MTA2: variants seen among roughly 807,000 people sequenced by gnomAD.
MTA2 encodes the protein metastasis associated 1 family member 2, also known as metastasis-associated protein MTA2.
A neutral mutation model predicts 87.1 loss-of-function variants in MTA2; 22 were observed. That is an observed-to-expected ratio of 0.25 (90% CI 0.18 to 0.36). MTA2 has a LOEUF of 0.36. MTA2 is among the 10% of genes least tolerant of loss of function. MTA2 has a pLI of 1.00. For missense variants in MTA2, 542 were observed against 853.2 expected (o/e 0.64, Z 4.54); for synonymous variants, 314 against 310.1 (o/e 1.01, Z -0.13).
rs759748858 is a variant in MTA2, at chr11:62,595,215, G to A, written c.1483+49C>T. On this transcript the variant is annotated intron_variant, in intron 14 of 17. Coordinates refer to ENST00000278823, the MANE Select transcript of MTA2 (RefSeq NM_004739.4). This position sits in a 1 kb window ranked among gnomAD's most constrained non-coding sequence, Gnocchi z 4.9. ...CATCCAGAGAAACAACGGTCTCTGG[G>A]CAGAGCAATCCGAAACCCACCACCA... is the stretch of plus-strand genomic sequence containing the variant. 9 of 1,578,194 alleles carry A rather than the reference G, an allele frequency of 5.7e-6. No individual in the cohort carries two copies. The South Asian group carries it at 8.9e-5, about 16-fold the overall frequency.
chr11:62,595,112 C>T lies in MTA2; in HGVS notation c.1484-42G>A, dbSNP rs904786371. 9 of 1,599,394 alleles carry T rather than the reference C, an allele frequency of 5.6e-6. No individual in the cohort carries two copies. Among genetic ancestry groups the T allele is most frequent in the South Asian group, 2.2e-5 (2 of 90,232 alleles). ...AAAGCTTCTGAAGGGCTTCACCATT[C>T]AGGTCTCCTCTAAGGCCAGAAGCCA... On this transcript the variant is annotated intron_variant, in intron 14 of 17. Transcript: ENST00000278823. This position sits in a 1 kb window ranked among gnomAD's most constrained non-coding sequence, Gnocchi z 4.9.
At position 62,593,587 on chromosome 11, in the gene MTA2, T is replaced by G; in HGVS notation, c.*288A>C. 1 of 252,574 alleles carries G rather than the reference T, an allele frequency of 4.0e-6. No homozygotes were observed. Among genetic ancestry groups the G allele is most frequent in the Non-Finnish European group, 7.4e-6 (1 of 135,752 alleles). The allele number at this position is 252,574 out of a possible 1,614,324, so 15.6% of individuals were successfully genotyped here. A position where few individuals can be genotyped will look rare whatever the true frequency, so the allele number is the denominator to read the frequency against. On this transcript the variant is annotated 3_prime_UTR_variant, in exon 18 of 18. Transcript: ENST00000278823. ...AAATTTTTAAAAAATTAAAAAACCC[T>G]CCCCCCAAAACTGTCCAAGACATCT... is the stretch of plus-strand genomic sequence containing the variant.
chr11:62,601,087 T>C (rs555488629), intron 1 of MTA2: 75 of 496,086 alleles, frequency 1.5e-4, no homozygotes, highest in African/African-American at 1.3e-3. Context: ...TCCCCCGCGG[T>C]GGCAAAGCCG....
At chr11:62,600,331 CAA>C (rs1942162354) in intron 2 of MTA2, 72 bp from the exon 3 acceptor site, 45 of 1,335,362 alleles carry the variant, frequency 3.4e-5, no homozygotes, top group Non-Finnish European at 4.8e-5. Flanking sequence ...CAGAAATGCA[CAA>C]AGAGACAAAT....
Position 62,596,018 on chromosome 11 carries a change from C to G in MTA2, c.1106G>C (p.Ser369Thr). ...AGFQKGLTCE[S>T]CHTTQSAQWY... is the part of the protein sequence containing the mutation. ...GTGCCCCCGTAACTCACTGTGGCAACTCTCACAAGTCAGGCCCTTCTGAAA... is the reference window on the plus strand; with the variant it reads ...GTGCCCCCGTAACTCACTGTGGCAAGTCTCACAAGTCAGGCCCTTCTGAAA... Residue 369 changes from serine to threonine, a missense_variant, in exon 12 of 18, where the codon AGT becomes ACT. This residue lies in a region of MTA2 where 46 missense variants were observed against 109.1 expected (regional missense o/e 0.42). Transcript: ENST00000278823. The G allele has an allele frequency of 6.2e-7, 1 of 1,614,212 alleles. No homozygotes were observed. Among genetic ancestry groups the G allele is most frequent in the Non-Finnish European group, 8.5e-7 (1 of 1,180,032 alleles).
chr11:62,597,532 C>A, intron 7 of MTA2, 78 bp downstream of exon 7: 1 of 1,504,916 alleles, frequency 6.6e-7, no homozygotes, highest in Non-Finnish European at 9.2e-7. Context: ...GAAATAAAGT[C>A]CATCTCTAAG....
chr11:62,596,922 G>A, intron 8 of MTA2, 97 bp from the exon 9 acceptor site: 7 of 1,245,040 alleles, frequency 5.6e-6, no homozygotes, highest in Non-Finnish European at 7.8e-6. Flanking sequence ...GGGCGCGGTG[G>A]CTCACACCCA....
At chr11:62,594,843 T>A in intron 15 of MTA2, 138 bp downstream of exon 15, 2 of 933,754 alleles carry the variant, frequency 2.1e-6, no homozygotes, top group South Asian at 1.6e-5. Flanking sequence ...ACAAAAAAAA[T>A]TATTAAACAA....
At chr11:62,600,542 G>T in intron 2 of MTA2, 80 bp downstream of exon 2, 1 of 1,316,872 alleles carries the variant, frequency 7.6e-7, no homozygotes, top group Non-Finnish European at 1.1e-6. Context: ...CTTAGTATAG[G>T]ATCCTCTCTT....
rs1942048192 is a variant in MTA2, at chr11:62,593,298, T to C, written c.*577A>G. The C allele has an allele frequency of 6.6e-6, 1 of 151,778 alleles. No individual in the cohort carries two copies. The highest frequency in any genetic ancestry group is 1.5e-5 in the Non-Finnish European group (1 of 67,892). 9.4% of individuals were successfully genotyped at this position (151,778 alleles called of 1,614,324 possible). A position where few individuals can be genotyped will look rare whatever the true frequency, so the allele number is the denominator to read the frequency against. ...AAAACGGACAAAAGATCTTTATTTC[T>C]GAGAACTGGCGTACAAAAGGCAGAG... On this transcript the variant is annotated 3_prime_UTR_variant, in exon 18 of 18. Coordinates refer to ENST00000278823, the MANE Select transcript of MTA2 (RefSeq NM_004739.4).
Position 62,600,220 on chromosome 11 carries a change from A to C in MTA2, c.136T>G (p.Phe46Val). The C allele has an allele frequency of 6.2e-7, 1 of 1,614,256 alleles. No individual in the cohort carries two copies. Among genetic ancestry groups the C allele is most frequent in the Non-Finnish European group, 8.5e-7 (1 of 1,180,040 alleles). Residue 46 changes from phenylalanine (F) to valine (V), a missense_variant, in exon 3 of 18, where the codon TTC (phenylalanine) becomes GTC (valine). This residue lies in a region of MTA2 where 150 missense variants were observed against 243.9 expected (regional missense o/e 0.62). Transcript: ENST00000278823. ...CTACTAGAAATGTCCCTGCGCCGGA[A>C]AAGACAGACAACCTTTGCCTCCACA... ...GNVEAKVVCL[F>V]RRRDISSSLN...
chr11:62,599,616 G>A (rs1942150086), intron 3 of MTA2, among the ~76,000 whole-genome samples: 1 of 148,758 alleles, frequency 6.7e-6, no homozygotes, highest in Non-Finnish European at 1.5e-5. Flanking sequence ...AAAAGAAGAT[G>A]AGACCTTAAA....
chr11:62,598,208 T>A (rs1268820539), intron 5 of MTA2, 67 bp from the exon 6 acceptor site: 14 of 1,571,088 alleles, frequency 8.9e-6, no homozygotes, highest in Non-Finnish European at 1.2e-5. Flanking sequence ...GGGAGGTGTA[T>A]CTGAGTTTCC....
Position 62,598,123 on chromosome 11 carries a change from G to T in MTA2, c.391C>A (p.Leu131Met), listed in dbSNP as rs138662870. ...LEKEDCFFYS[L>M]VFDPVQKTLL... is the part of the protein sequence containing the mutation. ...GTCTTCTGCACGGGGTCAAACACCA[G>T]TGAGTAAAAAAAGCAGTCCTGGAAT... is the stretch of plus-strand genomic sequence containing the variant. The change falls in exon 6 of 18, where the codon CTG (leucine) becomes ATG (methionine). Residue 131 changes from leucine to methionine, a missense_variant. By Grantham distance (15) the Leu-to-Met change is conservative. Coordinates refer to ENST00000278823, the MANE Select transcript of MTA2 (RefSeq NM_004739.4). The T allele has an allele frequency of 1.9e-6, 3 of 1,614,090 alleles. No homozygotes were observed. Among genetic ancestry groups the T allele is most frequent in the Non-Finnish European group, 2.5e-6 (3 of 1,180,016 alleles).
rs1942197442 is a variant in MTA2, at chr11:62,601,415, G to C, written c.28+8C>G. The C allele has an allele frequency of 6.2e-7, 1 of 1,610,522 alleles. No homozygotes were observed. Among genetic ancestry groups the C allele is most frequent in the African/African-American group, 1.3e-5 (1 of 74,620 alleles). On this transcript the variant is annotated splice_region_variant and intron_variant, in intron 1 of 17. Transcript: ENST00000278823. Reference sequence around the variant, plus strand: ...CCCGGGCCCCGTATCCCTGCGCCCGGTACTCACCTCCCACCCGGTACATGT... The same window carrying C: ...CCCGGGCCCCGTATCCCTGCGCCCGCTACTCACCTCCCACCCGGTACATGT...
intron 2 of MTA2, 43 bp downstream of exon 2, chr11:62,600,579 A>C: frequency 5.8e-4 from 896 of 1,541,486 alleles, no homozygotes; most frequent in Non-Finnish European, 7.3e-4. Context: ...ACCTCAGAAG[A>C]GACCACTGCG....
rs902072705 is a variant in MTA2 at position 62,595,671 on chromosome 11, G to A, written c.1254+81C>T. On this transcript the variant is annotated intron_variant, in intron 13 of 17. Coordinates refer to ENST00000278823, the MANE Select transcript of MTA2 (RefSeq NM_004739.4). The surrounding 1 kb of genome is among the most constrained non-coding windows in gnomAD (Gnocchi z 4.9). ...CCATCAAACCATCACCATATAAAGA[G>A]TTGAATATTCTGGCCTTCACCTAAG... 3.2e-6 allele frequency: 5 copies of A among 1,578,034 alleles called. No individual in the cohort carries two copies. Among genetic ancestry groups the A allele is most frequent in the East Asian group, 2.2e-5 (1 of 44,644 alleles).
intron 6 of MTA2, 111 bp from the exon 7 acceptor site, chr11:62,597,823 A>T: frequency 9.7e-7 from 1 of 1,032,156 alleles, no homozygotes. Flanking sequence ...GATTCTATCA[A>T]CTCTCCGACT....
intron 1 of MTA2, chr11:62,601,081 C>T: frequency 2.0e-6 from 1 of 510,920 alleles, no homozygotes; most frequent in Non-Finnish European, 3.4e-6. Flanking sequence ...GGCGGCTCCC[C>T]CGCGGTGGCA....
Sources: allele counts gnomAD v4.1 joint callset (sites outside exome capture counted in the v4.1 genomes callset), GRCh38; gene constraint gnomAD v4.1.1; regional missense constraint gnomAD v4.1.1; non-coding constraint Gnocchi (gnomAD v3.1); transcripts MANE v1.5; gene names NCBI Gene and HGNC (gene_info 2026-07-23, HGNC 2026-07-21).